NOS1: variants seen among roughly 807,000 people sequenced by gnomAD.
The protein encoded by NOS1 is NOS type I.
A neutral mutation model predicts 164.5 loss-of-function variants in NOS1; 51 were observed. That is an observed-to-expected ratio of 0.31 (90% confidence interval 0.25 to 0.39). NOS1 has a LOEUF of 0.39. Ranked by LOEUF, NOS1 falls within the 10% of genes least tolerant of loss-of-function variation. The probability of loss-of-function intolerance (pLI) is 1.00; values close to 1 mark genes in which losing one functional copy is unlikely to be tolerated. For synonymous variants in NOS1, 719 were observed against 745.8 expected (o/e 0.96, Z 0.59); for missense variants, 1,362 against 1,885.6 (o/e 0.72, Z 5.14).
At chr12:117,277,843 T>G in intron 9 of NOS1, 116 bp downstream of exon 9, 1 of 1,253,290 alleles carries the variant, frequency 8.0e-7, no homozygotes, top group Middle Eastern at 2.8e-4. Flanking sequence ...AAGCCCCCCT[T>G]TCCCCTTTCA....
At position 117,268,144 on chromosome 12, in the gene NOS1, C is replaced by T. The variant is rs1872553359; in HGVS notation, c.1840G>A (p.Glu614Lys). The T allele has an allele frequency of 1.2e-6, 2 of 1,608,860 alleles. No homozygotes were observed. The highest frequency in any genetic ancestry group is 1.7e-6 in the Non-Finnish European group (2 of 1,175,288). Residue 614 changes from glutamate to lysine, a missense_variant and splice_region_variant, in exon 11 of 29, where the codon GAA becomes AAA. Coordinates refer to ENST00000317775, the MANE Select transcript of NOS1 (RefSeq NM_000620.5). ...TCTAAGTTCATCTTCTTGGCCACTT[C>T]CTGAAAGAGGAAGGAAACACAGATA... is the stretch of plus-strand genomic sequence containing the variant. Reference protein sequence around the residue: ...CDNSRYNILEEVAKKMNLDMR... With the variant: ...CDNSRYNILEKVAKKMNLDMR...
rs41472952 is a variant in NOS1, at chr12:117,286,422, A to G, written c.1128-156T>C. ...GATTTCTGGATGCAAGATAAAGCAG[A>G]CACTGTAAACTCAAATGGCCACAAA... On this transcript the variant is annotated intron_variant, in intron 5 of 28. Coordinates refer to ENST00000317775, the MANE Select transcript of NOS1 (RefSeq NM_000620.5). 3.3e-3 allele frequency among the ~76,000 whole-genome samples: 499 copies of G among 152,328 alleles called. 3 individuals carry two copies. Among genetic ancestry groups the G allele is most frequent in the African/African-American group, 0.011 (461 of 41,584 alleles).
At chr12:117,333,931 C>T (rs948749730) in intron 1 of NOS1, among the ~76,000 whole-genome samples, 3 of 152,184 alleles carry the variant, frequency 2.0e-5, no homozygotes, top group African/African-American at 7.2e-5. Flanking sequence ...CCGGGACCTC[C>T]AGAGCTCTCT....
At chr12:117,344,955 A>C (rs553715670) in intron 1 of NOS1, among the ~76,000 whole-genome samples, 1 of 152,110 alleles carries the variant, frequency 6.6e-6, no homozygotes, top group African/African-American at 2.4e-5. Context: ...TTAGAAACAG[A>C]GTCAGAACGA....
rs1323030754 is a variant in NOS1 at position 117,208,325 on chromosome 12, G to A, written c.*6984C>T. 1 of 1,289,034 alleles carries A rather than the reference G, an allele frequency of 7.8e-7. No homozygotes were observed. Among genetic ancestry groups the A allele is most frequent in the Non-Finnish European group, 1.0e-6 (1 of 988,714 alleles). The allele number at this position is 1,289,034 out of a possible 1,614,324, so 79.8% of individuals were successfully genotyped here. A position where few individuals can be genotyped will look rare whatever the true frequency, so the allele number is the denominator to read the frequency against. ...TTCAAGGAAGGTGCTGGAGCACAGG[G>A]ACACTTGGCAGAGATTAGCAGCATT... On this transcript the variant is annotated 3_prime_UTR_variant, in exon 29 of 29. Coordinates refer to ENST00000317775, the MANE Select transcript of NOS1 (RefSeq NM_000620.5).
chr12:117,295,333 C>T (rs1465077782), intron 3 of NOS1, among the ~76,000 whole-genome samples: 1 of 152,140 alleles, frequency 6.6e-6, no homozygotes, highest in Non-Finnish European at 1.5e-5. Context: ...TTGTGACACA[C>T]AAAAGTTATA....
intron 1 of NOS1, among the ~76,000 whole-genome samples, chr12:117,342,665 C>T (rs149607608): frequency 3.7e-4 from 56 of 152,134 alleles, no homozygotes; most frequent in African/African-American, 1.0e-3. Context: ...ATTCTTAGAG[C>T]GATGGCAAGC....
chr12:117,264,241 G>A (rs529150231), intron 12 of NOS1, among the ~76,000 whole-genome samples: 10 of 151,798 alleles, frequency 6.6e-5, no homozygotes, highest in Non-Finnish European at 1.2e-4. Flanking sequence ...CTCTGTTCTT[G>A]TGACCCCTGA....
At chr12:117,322,568 CCCCT>C (rs1432476771) in intron 2 of NOS1, among the ~76,000 whole-genome samples, 1 of 131,040 alleles carries the variant, frequency 7.6e-6, no homozygotes, top group Admixed American at 7.5e-5. Context: ...TGTCCCTCCT[CCCCT>C]CCCTCCCTCT....
intron 10 of NOS1, among the ~76,000 whole-genome samples, chr12:117,270,296 C>T (rs935288240): frequency 3.3e-5 from 5 of 151,866 alleles, no homozygotes; most frequent in Admixed American, 1.3e-4. Flanking sequence ...CAGCTATCAA[C>T]GTTTGTACAT....
In NOS1 at chr12:117,311,489, T is replaced by C; in HGVS notation, c.829A>G (p.Asn277Asp). 1 of 1,610,982 alleles carries C rather than the reference T, an allele frequency of 6.2e-7. No homozygotes were observed. ...GKGNVPVVLNNPYSEKEQPPT... is the reference protein window; with the variant it reads ...GKGNVPVVLNDPYSEKEQPPT... Reference sequence around the variant, plus strand: ...ACCTGCTCCTTCTCTGAATATGGGTTGTTGAGGACGACAGGCACATTGCCC... The same window carrying C: ...ACCTGCTCCTTCTCTGAATATGGGTCGTTGAGGACGACAGGCACATTGCCC... The change falls in exon 3 of 29, where the codon AAC (asparagine) becomes GAC (aspartate). Residue 277 changes from asparagine (N) to aspartate (D), a missense_variant. Transcript: ENST00000317775.
intron 1 of NOS1, among the ~76,000 whole-genome samples, chr12:117,360,260 T>C (rs1877070918): frequency 6.6e-6 from 1 of 151,902 alleles, no homozygotes; most frequent in South Asian, 2.1e-4. Flanking sequence ...CACAGTGCCC[T>C]GGGGGTGGGG....
At chr12:117,353,350 T>C (rs1239934045) in intron 1 of NOS1, among the ~76,000 whole-genome samples, 1 of 152,212 alleles carries the variant, frequency 6.6e-6, no homozygotes, top group African/African-American at 2.4e-5. Flanking sequence ...TCTACCTACC[T>C]ACTTACCTAT....
chr12:117,323,686 C>G (rs998104769), intron 2 of NOS1, among the ~76,000 whole-genome samples: 3 of 152,220 alleles, frequency 2.0e-5, no homozygotes, highest in Non-Finnish European at 4.4e-5. Flanking sequence ...GAGCTTTCTT[C>G]TCTGCCTCCG....
At chr12:117,256,122 G>T (rs1197521335) in intron 16 of NOS1, 18 of 654,616 alleles carry the variant, frequency 2.7e-5, no homozygotes, top group African/African-American at 3.8e-5. Flanking sequence ...AGGATGGGGT[G>T]GGAAGGAGAG....
At chr12:117,290,703 C>T (rs1263431315) in intron 3 of NOS1, among the ~76,000 whole-genome samples, 1 of 152,052 alleles carries the variant, frequency 6.6e-6, no homozygotes, top group African/African-American at 2.4e-5. Flanking sequence ...CTCTCTGGTT[C>T]AACAGGGTCG....
At chr12:117,352,565 G>A (rs1357328151) in intron 1 of NOS1, among the ~76,000 whole-genome samples, 1 of 152,148 alleles carries the variant, frequency 6.6e-6, no homozygotes, top group Admixed American at 6.5e-5. Flanking sequence ...ATGCTAAACA[G>A]CCGTAAATGA....
chr12:117,218,910 A>T (rs1956654405), intron 27 of NOS1, among the ~76,000 whole-genome samples: 1 of 151,880 alleles, frequency 6.6e-6, no homozygotes, highest in Non-Finnish European at 1.5e-5. Flanking sequence ...CTGGCAAGGC[A>T]GGCATAATCG....
intron 3 of NOS1, among the ~76,000 whole-genome samples, chr12:117,292,303 T>C (rs751331460): frequency 6.6e-6 from 1 of 152,146 alleles, no homozygotes; most frequent in African/African-American, 2.4e-5. Context: ...GCAAAGGCAC[T>C]GACATGGGAA....
Sources: gnomAD v4.1 joint callset for allele counts (sites outside exome capture counted in the v4.1 genomes callset) on GRCh38, gnomAD v4.1.1 for gene constraint, MANE v1.5 for transcripts, NCBI Gene and HGNC (gene_info 2026-07-23, HGNC 2026-07-21) for gene names.